Variants in L3MBTL4 observed in about 807,000 individuals in gnomAD.
L3MBTL4 encodes the protein L3MBTL histone methyl-lysine binding protein 4, also known as lethal(3)malignant brain tumor-like protein 4.
A neutral mutation model predicts 84.5 loss-of-function variants in L3MBTL4; 70 were observed. That is an observed-to-expected ratio of 0.83 (90% confidence interval 0.68 to 1.01). The LOEUF (loss-of-function observed/expected upper bound fraction) is 1.01. Among genes scored for constraint, L3MBTL4 ranks in the 50% least tolerant of loss-of-function variants. The pLI is 0.00. For synonymous variants in L3MBTL4, 274 were observed against 259.8 expected (o/e 1.05, Z -0.52); for missense variants, 715 against 754.8 (o/e 0.95, Z 0.62).
chr18:6,152,139 C>A (rs1035867740), intron 13 of L3MBTL4, among the ~76,000 whole-genome samples: 18 of 152,104 alleles, frequency 1.2e-4, no homozygotes, highest in African/African-American at 4.3e-4. Context: ...CACTGATGGG[C>A]AATTAGGTAG....
intron 13 of L3MBTL4, among the ~76,000 whole-genome samples, chr18:6,159,393 T>C (rs1037903393): frequency 1.3e-5 from 2 of 152,178 alleles, no homozygotes; most frequent in African/African-American, 4.8e-5. Context: ...GTGTGAATCA[T>C]TGAGTTGCCT....
At chr18:5,959,613 G>A (rs749766138) in intron 18 of L3MBTL4, among the ~76,000 whole-genome samples, 11 of 152,092 alleles carry the variant, frequency 7.2e-5, no homozygotes, top group Non-Finnish European at 1.3e-4. Flanking sequence ...TAGATAGGAG[G>A]GTCCCATGCT....
intron 16 of L3MBTL4, among the ~76,000 whole-genome samples, chr18:6,077,014 C>G (rs2031427549): frequency 6.6e-6 from 1 of 152,110 alleles, no homozygotes; most frequent in South Asian, 2.1e-4. Flanking sequence ...AATTCACCTC[C>G]CTCAGCTTGT....
At chr18:6,048,660 G>A (rs150391608) in intron 16 of L3MBTL4, among the ~76,000 whole-genome samples, 10 of 152,048 alleles carry the variant, frequency 6.6e-5, no homozygotes, top group African/African-American at 2.4e-4. Context: ...GTGGTGGCGG[G>A]CACCTATAAT....
chr18:6,033,976 AT>A (rs1357074676), intron 16 of L3MBTL4, among the ~76,000 whole-genome samples: 3 of 152,172 alleles, frequency 2.0e-5, no homozygotes, highest in African/African-American at 7.2e-5. Flanking sequence ...TGTTTAAGGT[AT>A]TTACCTTTAT....
chr18:6,402,302 T>C (rs538283148), intron 1 of L3MBTL4, among the ~76,000 whole-genome samples: 1 of 152,336 alleles, frequency 6.6e-6, no homozygotes, highest in East Asian at 1.9e-4. Context: ...ATGATTCCTG[T>C]ATTGGCCAGA....
intron 10 of L3MBTL4, among the ~76,000 whole-genome samples, chr18:6,226,439 C>A (rs1022677585): frequency 2.0e-5 from 3 of 151,926 alleles, no homozygotes; most frequent in African/African-American, 7.2e-5. Context: ...AATAAACAAA[C>A]AAAAGATAAT....
At chr18:6,042,418 A>G (rs576682105) in intron 16 of L3MBTL4, among the ~76,000 whole-genome samples, 2 of 151,968 alleles carry the variant, frequency 1.3e-5, no homozygotes, top group African/African-American at 4.8e-5. Flanking sequence ...ACCTGCCTCC[A>G]GTCCTCACCC....
intron 13 of L3MBTL4, among the ~76,000 whole-genome samples, chr18:6,144,305 C>T (rs2042557211): frequency 6.6e-6 from 1 of 151,518 alleles, no homozygotes; most frequent in Admixed American, 6.6e-5. Context: ...CAGAGCTCAG[C>T]TTGTCTGAAA....
At chr18:6,239,660 A>G in intron 9 of L3MBTL4, 58 bp downstream of exon 9, 2 of 1,566,368 alleles carry the variant, frequency 1.3e-6, no homozygotes, top group South Asian at 2.2e-5. Context: ...GAATGAAAAC[A>G]AATTCTTAAC....
At chr18:5,991,441 A>T (rs2053694818) in intron 16 of L3MBTL4, among the ~76,000 whole-genome samples, 1 of 152,128 alleles carries the variant, frequency 6.6e-6, no homozygotes, top group South Asian at 2.1e-4. Context: ...GCACATAAAC[A>T]TTCTGTTGAT....
chr18:6,180,460 T>C (rs1248130852), intron 12 of L3MBTL4, among the ~76,000 whole-genome samples: 1 of 152,136 alleles, frequency 6.6e-6, no homozygotes, highest in Non-Finnish European at 1.5e-5. Flanking sequence ...CACTCACTTA[T>C]GGTCAATTAA....
intron 17 of L3MBTL4, among the ~76,000 whole-genome samples, chr18:5,962,638 A>T (rs1265640436): frequency 6.6e-6 from 1 of 152,206 alleles, no homozygotes; most frequent in Non-Finnish European, 1.5e-5. Flanking sequence ...ATTGGGTCCA[A>T]GCACTGGGTA....
At chr18:6,144,200 A>G (rs1360608883) in intron 13 of L3MBTL4, among the ~76,000 whole-genome samples, 1 of 141,416 alleles carries the variant, frequency 7.1e-6, no homozygotes, top group Non-Finnish European at 1.5e-5. Context: ...CATCTCCAAA[A>G]AAAAAAAAAA....
chr18:6,217,453 C>T (rs1208758683), intron 10 of L3MBTL4, among the ~76,000 whole-genome samples: 1 of 152,196 alleles, frequency 6.6e-6, no homozygotes, highest in East Asian at 1.9e-4. Context: ...TTATTGCCTT[C>T]AGAACATTCA....
At chr18:6,273,943 A>C (rs1291306059) in intron 4 of L3MBTL4, among the ~76,000 whole-genome samples, 1 of 152,238 alleles carries the variant, frequency 6.6e-6, no homozygotes. Context: ...AGAAACGCAA[A>C]TGTGGGGACC....
chr18:6,004,763 A>G (rs2054386864), intron 16 of L3MBTL4, among the ~76,000 whole-genome samples: 9 of 152,192 alleles, frequency 5.9e-5, no homozygotes, highest in Admixed American at 5.9e-4. Context: ...CAAATATTGT[A>G]TGATTCTGTT....
At chr18:6,103,480 T>C (rs2058900154) in intron 14 of L3MBTL4, among the ~76,000 whole-genome samples, 1 of 152,208 alleles carries the variant, frequency 6.6e-6, no homozygotes, top group Admixed American at 6.5e-5. Context: ...AAACAAAATG[T>C]CACAGGAGTG....
chr18:6,082,818 T>C (rs183120898), intron 15 of L3MBTL4, among the ~76,000 whole-genome samples: 1 of 152,312 alleles, frequency 6.6e-6, no homozygotes, highest in East Asian at 1.9e-4. Flanking sequence ...AGTCTTGCTT[T>C]CAAATGATTA....
Sources: gnomAD v4.1 joint callset for allele counts (sites outside exome capture counted in the v4.1 genomes callset) on GRCh38, gnomAD v4.1.1 for gene constraint, MANE v1.5 for transcripts, NCBI Gene and HGNC (gene_info 2026-07-23, HGNC 2026-07-21) for gene names.